Variants in FRMD6 observed in about 807,000 individuals in gnomAD.
FRMD6 encodes FERM domain-containing protein 6.
Under a neutral mutation model 73.2 loss-of-function variants are expected in FRMD6, and 37 were observed. The observed-to-expected ratio is 0.51, with a 90% confidence interval of 0.39 to 0.66. FRMD6 has a LOEUF of 0.66. FRMD6 is among the 30% of genes least tolerant of loss of function. The pLI is 0.00. For missense variants in FRMD6, 714 were observed against 780.5 expected, an observed-to-expected ratio of 0.91 and a Z score of 1.02; for synonymous variants, 273 against 282.2, an observed-to-expected ratio of 0.97 and a Z score of 0.33.
At chr14:51,577,292 A>G (rs529223980) in intron 2 of FRMD6, among the ~76,000 whole-genome samples, 1 of 152,170 alleles carries the variant, frequency 6.6e-6, no homozygotes, top group Non-Finnish European at 1.5e-5. Context: ...AGAACAGCAA[A>G]AATATCACCA....
At chr14:51,579,641 G>C (rs1480616126) in intron 2 of FRMD6, among the ~76,000 whole-genome samples, 2 of 152,194 alleles carry the variant, frequency 1.3e-5, no homozygotes, top group Non-Finnish European at 2.9e-5. Flanking sequence ...TTTGTCAAAT[G>C]AATGAGTAAA....
chr14:51,636,409 G>T (rs1408370958), intron 2 of FRMD6, among the ~76,000 whole-genome samples: 1 of 152,166 alleles, frequency 6.6e-6, no homozygotes, highest in African/African-American at 2.4e-5. Flanking sequence ...GGAGATCACT[G>T]CCTGACTGTT....
chr14:51,445,303 C>T, the FRMD6 span, among the ~76,000 whole-genome samples: 1 of 152,146 alleles, frequency 6.6e-6, no homozygotes, highest in East Asian at 1.9e-4. Context: ...TGCCAGCTTC[C>T]CAAGTCTGAA....
At chr14:51,673,525 G>T (rs1403766594) in intron 1 of FRMD6, among the ~76,000 whole-genome samples, 1 of 152,098 alleles carries the variant, frequency 6.6e-6, no homozygotes, top group East Asian at 1.9e-4. Context: ...GAATCATTAG[G>T]CTCACCTAGT....
chr14:51,426,387 C>A, the FRMD6 span, among the ~76,000 whole-genome samples: 88 of 152,216 alleles, frequency 5.8e-4, no homozygotes, highest in Non-Finnish European at 1.1e-3. Flanking sequence ...CCCCACTCCC[C>A]ACTAGAATTA....
the FRMD6 span, among the ~76,000 whole-genome samples, chr14:51,467,621 G>A: frequency 5.9e-5 from 9 of 151,848 alleles, no homozygotes; most frequent in East Asian, 1.6e-3. Context: ...CTGGGCGGCC[G>A]GTCAGAGACG....
chr14:51,670,646 CTT>C (rs778547825), intron 1 of FRMD6, among the ~76,000 whole-genome samples: 1 of 143,066 alleles, frequency 7.0e-6, no homozygotes, highest in Admixed American at 7.0e-5. Flanking sequence ...TTAGTTAGGT[CTT>C]TTTTTTTTTT....
rs775922501 is a variant in FRMD6 at position 51,708,229 on chromosome 14, A to G, written c.710A>G (p.Tyr237Cys). The G allele has an allele frequency of 5.0e-6, 8 of 1,612,660 alleles. No homozygotes were observed. The highest frequency in any genetic ancestry group is 3.3e-5 in the Admixed American group (2 of 59,904). Residue 237 changes from tyrosine (Y) to cysteine (C), a missense_variant, in exon 7 of 14, where the codon TAT (tyrosine) becomes TGT (cysteine). Tyr to Cys is a radical substitution (Grantham distance 194). Transcript: ENST00000344768. ...GTCGCTGTTCATTACTACAGATTGT[A>G]TAAGGTATGAAACGGCAACTAAGTC... ...DDVAVHYYRLYKDKREIEASL... is the reference protein window; with the variant it reads ...DDVAVHYYRLCKDKREIEASL...
At chr14:51,636,105 G>T (rs944345393) in intron 2 of FRMD6, among the ~76,000 whole-genome samples, 1 of 152,194 alleles carries the variant, frequency 6.6e-6, no homozygotes, top group African/African-American at 2.4e-5. Context: ...AGCAGAAGTT[G>T]CGTCTGTGTC....
chr14:51,412,695 C>G, the FRMD6 span, among the ~76,000 whole-genome samples: 1 of 151,612 alleles, frequency 6.6e-6, no homozygotes, highest in Non-Finnish European at 1.5e-5. Flanking sequence ...AATAAAAATA[C>G]AAAAAAATTA....
At chr14:51,578,802 G>A (rs1395079262) in intron 2 of FRMD6, among the ~76,000 whole-genome samples, 2 of 152,198 alleles carry the variant, frequency 1.3e-5, no homozygotes, top group East Asian at 1.9e-4. Context: ...CCAAAGCAGG[G>A]AGGTACATAT....
chr14:51,544,144 T>A (rs549173649), intron 1 of FRMD6, among the ~76,000 whole-genome samples: 1 of 152,188 alleles, frequency 6.6e-6, no homozygotes, highest in South Asian at 2.1e-4. Context: ...TTATATTATT[T>A]CATCTGTGAA....
intron 2 of FRMD6, among the ~76,000 whole-genome samples, chr14:51,574,846 A>G (rs1888321052): frequency 2.0e-5 from 3 of 152,200 alleles, no homozygotes; most frequent in Non-Finnish European, 4.4e-5. Flanking sequence ...TGTAACACAA[A>G]GAAAGTATAA....
At chr14:51,425,893 G>A in the FRMD6 span, among the ~76,000 whole-genome samples, 678 of 152,210 alleles carry the variant, frequency 4.5e-3, 5 homozygotes, top group African/African-American at 0.016. Flanking sequence ...GATGAAGTCT[G>A]TTTTTTTCAG....
chr14:51,664,560 C>T (rs1000407974), intron 1 of FRMD6, among the ~76,000 whole-genome samples: 1 of 152,182 alleles, frequency 6.6e-6, no homozygotes, highest in African/African-American at 2.4e-5. Context: ...AACTTTGTTA[C>T]ATATATTTTA....
At chr14:51,512,963 A>G (rs1327714338) in intron 1 of FRMD6, among the ~76,000 whole-genome samples, 7 of 152,194 alleles carry the variant, frequency 4.6e-5, no homozygotes, top group African/African-American at 1.7e-4. Flanking sequence ...CCTTCCCAGA[A>G]GTGGAAAGTG....
chr14:51,691,588 A>ATTTTTTTTTT (rs758677611), intron 2 of FRMD6, among the ~76,000 whole-genome samples: 14 of 75,150 alleles, frequency 1.9e-4, no homozygotes, highest in Non-Finnish European at 3.4e-4. Flanking sequence ...TTTGATTTTG[A>ATTTTTTTTTT]TTTTTTTTTT....
At chr14:51,414,847 T>C in the FRMD6 span, among the ~76,000 whole-genome samples, 2 of 152,228 alleles carry the variant, frequency 1.3e-5, no homozygotes, top group East Asian at 1.9e-4. Flanking sequence ...TTTGTAGTTC[T>C]CCTTGAAGAG....
At chr14:51,438,166 A>G in the FRMD6 span, among the ~76,000 whole-genome samples, 1 of 152,230 alleles carries the variant, frequency 6.6e-6, no homozygotes, top group Non-Finnish European at 1.5e-5. Context: ...CTGCTTTGGC[A>G]TGTTCAATTG....
Sources: gnomAD v4.1 joint callset for allele counts (sites outside exome capture counted in the v4.1 genomes callset) on GRCh38, gnomAD v4.1.1 for gene constraint, MANE v1.5 for transcripts, NCBI Gene and HGNC (gene_info 2026-07-23, HGNC 2026-07-21) for gene names.